Variants in DNM2 observed in about 807,000 individuals in gnomAD.
DNM2 encodes the protein dynamin-2.
Under a neutral mutation model 99.0 loss-of-function variants are expected in DNM2, and 15 were observed. That is an observed-to-expected ratio of 0.15 (90% CI 0.10 to 0.23). The LOEUF is 0.23. Among genes scored for constraint, DNM2 ranks in the 10% least tolerant of loss-of-function variants. The pLI is 1.00. For synonymous variants in DNM2, 525 were observed against 481.2 expected (o/e 1.09, Z -1.19); for missense variants, 742 against 1,189.4 (o/e 0.62, Z 5.53).
chr19:10,799,539 T>C (rs1034048427), intron 11 of DNM2, among the ~76,000 whole-genome samples: 2 of 149,656 alleles, frequency 1.3e-5, no homozygotes, highest in Admixed American at 6.6e-5. Context: ...TTTTTGTTTT[T>C]TTTTTTTTTT....
In DNM2 at chr19:10,830,283, G is replaced by C. The variant is rs1325496934; in HGVS notation, c.2448G>C (p.Gln816His). The C allele has an allele frequency of 6.2e-7, 1 of 1,613,754 alleles. No homozygotes were observed. The highest frequency in any genetic ancestry group is 1.3e-5 in the African/African-American group (1 of 74,880). The change falls in exon 20 of 21, where the codon CAG (glutamine) becomes CAC (histidine). Residue 816 changes from glutamine (Q) to histidine (H), a missense_variant. Coordinates refer to ENST00000389253, the MANE Select transcript of DNM2 (RefSeq NM_001005361.3). The surrounding 1 kb of genome is among the most constrained non-coding windows in gnomAD (Gnocchi z 4.8). ...APPIPSRPGP[Q>H]SVFANSDLFP... is the part of the protein sequence containing the mutation. ...CAATCCCATCCCGGCCTGGACCCCAGAGCGTGTTTGCCAACAGTGACCTCT... is the reference window on the plus strand; with the variant it reads ...CAATCCCATCCCGGCCTGGACCCCACAGCGTGTTTGCCAACAGTGACCTCT...
At position 10,820,141 on chromosome 19, in the gene DNM2, A is replaced by T. The variant is rs1283201259; in HGVS notation, c.1781+52A>T. ...GCTCGGGGTGAAGACCAATGGCCTCATTCACACTCCACAACCTTCACTGAG... is the reference window on the plus strand; with the variant it reads ...GCTCGGGGTGAAGACCAATGGCCTCTTTCACACTCCACAACCTTCACTGAG... On this transcript the variant is annotated intron_variant, in intron 16 of 20. Transcript: ENST00000389253. This position sits in a 1 kb window ranked among gnomAD's most constrained non-coding sequence, Gnocchi z 4.3. 4.5e-6 allele frequency: 7 copies of T among 1,550,732 alleles called. No homozygotes were observed. The African/African-American group carries it at 9.5e-5, about 21-fold the overall frequency.
intron 1 of DNM2, among the ~76,000 whole-genome samples, chr19:10,748,158 A>G (rs191709997): frequency 6.6e-6 from 1 of 152,192 alleles, no homozygotes; most frequent in Non-Finnish European, 1.5e-5. Context: ...AGGAGGGCCC[A>G]TAACAAAGGG....
At position 10,718,257 on chromosome 19, in the gene DNM2, G is replaced by A; in HGVS notation, c.15G>A (p.Gly5=). 4 of 1,486,184 alleles carry A rather than the reference G, an allele frequency of 2.7e-6. No individual in the cohort carries two copies. The highest frequency in any genetic ancestry group is 3.6e-6 in the Non-Finnish European group (4 of 1,116,636). 92.1% of individuals were successfully genotyped at this position (1,486,184 alleles called of 1,614,324 possible). A position where few individuals can be genotyped will look rare whatever the true frequency, so the allele number is the denominator to read the frequency against. Residue 5 remains glycine, a synonymous_variant, in exon 1 of 21, where the codon GGG becomes GGA. Coordinates refer to ENST00000389253, the MANE Select transcript of DNM2 (RefSeq NM_001005361.3). MGNR[G]MEELIPLVNK... The stretch of plus-strand genomic sequence containing the variant: ...CCGCCGGCGCCATGGGCAACCGCGG[G>A]ATGGAAGAGCTGATCCCGCTGGTCA...
rs752886346 is a variant in DNM2 at position 10,772,664 on chromosome 19, T to C, written c.385+36T>C. On this transcript the variant is annotated intron_variant, in intron 3 of 20. Transcript: ENST00000389253. The surrounding 1 kb of genome is among the most constrained non-coding windows in gnomAD (Gnocchi z 4.9). ...CGGGTGGGGACCCATCACTGACCGT[T>C]TCTGGTCGTTCATGGACAGTGCTAT... is the stretch of plus-strand genomic sequence containing the variant. 1 of 1,613,268 alleles carries C rather than the reference T, an allele frequency of 6.2e-7. No individual in the cohort carries two copies. Among genetic ancestry groups the C allele is most frequent in the Non-Finnish European group, 8.5e-7 (1 of 1,179,908 alleles).
In DNM2 at chr19:10,796,564, G is replaced by A. The variant is rs2146028473; in HGVS notation, c.1197-816G>A. On this transcript the variant is annotated intron_variant, in intron 9 of 20. Transcript: ENST00000389253. This position sits in a 1 kb window ranked among gnomAD's most constrained non-coding sequence, Gnocchi z 5.6. Reference sequence around the variant, plus strand: ...ACTGCTGGAGGCTGAGCTCCTTGAAGCTCCCTGGCTGTCACCCCTTCTTGA... The same window carrying A: ...ACTGCTGGAGGCTGAGCTCCTTGAAACTCCCTGGCTGTCACCCCTTCTTGA... 6.6e-6 allele frequency among the ~76,000 whole-genome samples: 1 copy of A among 152,290 alleles called. No individual in the cohort carries two copies. The highest frequency in any genetic ancestry group is 3.4e-3 in the Middle Eastern group (1 of 294).
Position 10,795,392 on chromosome 19 carries a change from C to T in DNM2, c.1149C>T (p.Asp383=). 1 of 1,614,160 alleles carries T rather than the reference C, an allele frequency of 6.2e-7. No individual in the cohort carries two copies. The change falls in exon 9 of 21, where the codon GAC becomes GAT. Residue 383 remains aspartate (D), a synonymous_variant. Coordinates refer to ENST00000389253, the MANE Select transcript of DNM2 (RefSeq NM_001005361.3). This position sits in a 1 kb window ranked among gnomAD's most constrained non-coding sequence, Gnocchi z 4.2. ...CTCAGATGGAGTTTGACGAGAAGGA[C>T]TTACGACGGGAGATCAGCTATGCCA... ...ELVKMEFDEK[D]LRREISYAIK...
intron 3 of DNM2, among the ~76,000 whole-genome samples, chr19:10,773,947 C>G (rs148547012): frequency 2.0e-5 from 3 of 152,310 alleles, no homozygotes; most frequent in African/African-American, 7.2e-5. Context: ...ATTCAAACAG[C>G]AGCCCGGGGC....
intron 15 of DNM2, 75 bp from the exon 16 acceptor site, chr19:10,819,905 C>A: frequency 7.2e-7 from 1 of 1,397,174 alleles, no homozygotes; most frequent in Non-Finnish European, 1.0e-6. Flanking sequence ...GTGGCGCATG[C>A]TACACGCTCT....
chr19:10,780,800 C>T (rs1475090197), intron 5 of DNM2, among the ~76,000 whole-genome samples: 1 of 152,008 alleles, frequency 6.6e-6, no homozygotes, highest in Non-Finnish European at 1.5e-5. Context: ...CAGTGGCTCA[C>T]GCCTGTAATC....
At chr19:10,725,337 T>C (rs2069077419) in intron 1 of DNM2, among the ~76,000 whole-genome samples, 1 of 151,724 alleles carries the variant, frequency 6.6e-6, no homozygotes, top group East Asian at 1.9e-4. Flanking sequence ...TCCCAGCTAT[T>C]TGGGAGGCTG....
chr19:10,819,866 C>A (rs1360664676), intron 15 of DNM2, 114 bp from the exon 16 acceptor site: 10 of 942,548 alleles, frequency 1.1e-5, no homozygotes, highest in Non-Finnish European at 1.6e-5. Context: ...ACAGCAGCGA[C>A]CAGCATTGAG....
At chr19:10,770,945 A>C (rs1234938605) in intron 2 of DNM2, among the ~76,000 whole-genome samples, 1 of 152,182 alleles carries the variant, frequency 6.6e-6, no homozygotes, top group Non-Finnish European at 1.5e-5. Context: ...GGTGTGCGCC[A>C]ACATGCCTGG....
At chr19:10,793,954 T>C (rs1190264085) in intron 8 of DNM2, 99 bp downstream of exon 8, 1 of 1,589,918 alleles carries the variant, frequency 6.3e-7, no homozygotes, top group Non-Finnish European at 8.6e-7. Flanking sequence ...CTCAAGCTCC[T>C]ACCTCTAGGC....
At chr19:10,723,588 G>C (rs1382061532) in intron 1 of DNM2, among the ~76,000 whole-genome samples, 2 of 152,216 alleles carry the variant, frequency 1.3e-5, no homozygotes, top group African/African-American at 4.8e-5. Flanking sequence ...TAAAATAGGA[G>C]TTATAATAGC....
Position 10,831,002 on chromosome 19 carries a change from C to T in DNM2, c.2568C>T (p.Ser856=). The T allele has an allele frequency of 1.2e-6, 2 of 1,611,630 alleles. No homozygotes were observed. The highest frequency in any genetic ancestry group is 8.5e-7 in the Non-Finnish European group (1 of 1,179,022). The change falls in exon 21 of 21, where the codon AGC becomes AGT. Residue 856 remains serine, a synonymous_variant. Transcript: ENST00000389253. The surrounding 1 kb of genome is among the most constrained non-coding windows in gnomAD (Gnocchi z 4.3). Reference sequence around the variant, plus strand: ...GCAGAAGACCCCCTGCTGCGCCCAGCCGGCCCACCATTATCCGCCCAGCCG... The same window carrying T: ...GCAGAAGACCCCCTGCTGCGCCCAGTCGGCCCACCATTATCCGCCCAGCCG... ...VPSRRPPAAP[S]RPTIIRPAEP...
At chr19:10,826,217 CAG>C (rs2073138846) in intron 18 of DNM2, among the ~76,000 whole-genome samples, 1 of 152,166 alleles carries the variant, frequency 6.6e-6, no homozygotes, top group Non-Finnish European at 1.5e-5. Context: ...AGGCTGGCAT[CAG>C]AATAACTGCA....
In DNM2 at chr19:10,782,342, T is replaced by TTTTTTTCTTTTTC. The variant is rs151289249; in HGVS notation, c.689-613_689-612insTCTTTTTCTTTTT. The stretch of plus-strand genomic sequence containing the variant: ...AGCCACCGCACCTGGCCTTGAGATT[T>TTTTTTTCTTTTTC]TTTTTCTTTTTCTTTTTCTTTTTCT... On this transcript the variant is annotated intron_variant, in intron 5 of 20. Coordinates refer to ENST00000389253, the MANE Select transcript of DNM2 (RefSeq NM_001005361.3). Among the ~76,000 whole-genome samples the TTTTTTTCTTTTTC allele has an allele frequency of 1.2e-4, 18 of 145,300 alleles. No homozygotes were observed. The East Asian group carries it at 3.1e-3, about 25-fold the overall frequency.
intron 1 of DNM2, among the ~76,000 whole-genome samples, chr19:10,751,103 A>T (rs2070176744): frequency 6.6e-6 from 1 of 151,960 alleles, no homozygotes; most frequent in South Asian, 2.1e-4. Context: ...TGTTAGTTCC[A>T]CAGAGAAAAA....
Sources: gnomAD v4.1 joint callset for allele counts (sites outside exome capture counted in the v4.1 genomes callset) on GRCh38, gnomAD v4.1.1 for gene constraint, Gnocchi (gnomAD v3.1) non-coding constraint, MANE v1.5 for transcripts, NCBI Gene and HGNC (gene_info 2026-07-23, HGNC 2026-07-21) for gene names.